The following PARD3B variants were observed in gnomAD, a reference collection of about 807,000 sequenced individuals.
PARD3B encodes the protein partitioning defective 3 homolog B.
A neutral mutation model predicts 130.2 loss-of-function variants in PARD3B; 103 were observed. That is an observed-to-expected ratio of 0.79 (90% confidence interval 0.67 to 0.93). PARD3B has a LOEUF of 0.93. PARD3B is among the 40% of genes least tolerant of loss of function. The pLI is 0.00. For missense variants in PARD3B, 1,609 were observed against 1,499.2 expected (o/e 1.07, Z -1.21); for synonymous variants, 583 against 553.2 (o/e 1.05, Z -0.76).
intron 3 of PARD3B, among the ~76,000 whole-genome samples, chr2:204,969,917 G>A (rs1016934118): frequency 2.8e-5 from 4 of 140,992 alleles, no homozygotes; most frequent in African/African-American, 5.0e-5. Context: ...TTCTCATCCC[G>A]TGTGTGTGTG....
intron 20 of PARD3B, among the ~76,000 whole-genome samples, chr2:205,456,788 T>G (rs2048290276): frequency 6.7e-6 from 1 of 150,266 alleles, no homozygotes; most frequent in East Asian, 1.9e-4. Context: ...TAATTAAATG[T>G]AGTCATAGTA....
chr2:205,583,430 AG>A (rs2054077192), intron 22 of PARD3B, among the ~76,000 whole-genome samples: 1 of 151,962 alleles, frequency 6.6e-6, no homozygotes, highest in Non-Finnish European at 1.5e-5. Flanking sequence ...AGAGAGAGAG[AG>A]AGAGATGCAC....
intron 4 of PARD3B, among the ~76,000 whole-genome samples, chr2:205,059,965 A>C (rs537947034): frequency 6.6e-6 from 1 of 152,210 alleles, no homozygotes; most frequent in South Asian, 2.1e-4. Flanking sequence ...CTGCAAGTTC[A>C]GCTTTATTGC....
intron 2 of PARD3B, among the ~76,000 whole-genome samples, chr2:204,870,520 TGGA>T (rs1379598695): frequency 6.6e-6 from 1 of 152,094 alleles, no homozygotes; most frequent in Non-Finnish European, 1.5e-5. Flanking sequence ...ATCTCAAAGA[TGGA>T]GGAGAATGAA....
rs1360021820 is a variant in PARD3B, at chr2:205,021,503, G to T, written c.395-26078G>T. 6.6e-6 allele frequency among the ~76,000 whole-genome samples: 1 copy of T among 151,938 alleles called. No homozygotes were observed. ...AGTGGTAACTTTGGAAGGACTGGTTGCAAAGTGGAACCAGAGTATATTGCA... is the reference window on the plus strand; with the variant it reads ...AGTGGTAACTTTGGAAGGACTGGTTTCAAAGTGGAACCAGAGTATATTGCA... On this transcript the variant is annotated intron_variant, in intron 3 of 22. Transcript: ENST00000406610. This position sits in a 1 kb window ranked among gnomAD's most constrained non-coding sequence, Gnocchi z 4.5.
At chr2:205,114,629 G>C (rs1703894563) in intron 6 of PARD3B, among the ~76,000 whole-genome samples, 1 of 151,998 alleles carries the variant, frequency 6.6e-6, no homozygotes, top group Non-Finnish European at 1.5e-5. Flanking sequence ...TTAATTTAGT[G>C]GTTCTGAATA....
chr2:204,928,679 G>A (rs1310263264), intron 2 of PARD3B, among the ~76,000 whole-genome samples: 1 of 151,830 alleles, frequency 6.6e-6, no homozygotes, highest in Non-Finnish European at 1.5e-5. Context: ...AGTGCAGAAG[G>A]GAGAAAAAAA....
At chr2:205,173,255 G>A (rs7566957) in intron 12 of PARD3B, among the ~76,000 whole-genome samples, 4 of 152,106 alleles carry the variant, frequency 2.6e-5, no homozygotes, top group Non-Finnish European at 4.4e-5. Context: ...AGAGTTCAGC[G>A]TAATAATTGA....
At chr2:205,152,727 T>G (rs1475770850) in intron 10 of PARD3B, among the ~76,000 whole-genome samples, 5 of 152,140 alleles carry the variant, frequency 3.3e-5, no homozygotes, top group Non-Finnish European at 5.9e-5. Context: ...GAGAAGTTTG[T>G]TATTACCGAT....
At chr2:205,173,022 T>C (rs1438020584) in intron 12 of PARD3B, among the ~76,000 whole-genome samples, 3 of 152,082 alleles carry the variant, frequency 2.0e-5, no homozygotes, top group African/African-American at 7.2e-5. Flanking sequence ...AAAACATTAT[T>C]TTCTCTTATA....
At chr2:204,646,810 C>A (rs1350336345) in intron 1 of PARD3B, among the ~76,000 whole-genome samples, 1 of 151,874 alleles carries the variant, frequency 6.6e-6, no homozygotes, top group East Asian at 1.9e-4. Context: ...CCTGATAAAC[C>A]AATGGTAAGT....
At chr2:205,065,220 G>A (rs1700293419) in intron 4 of PARD3B, among the ~76,000 whole-genome samples, 1 of 152,160 alleles carries the variant, frequency 6.6e-6, no homozygotes, top group Non-Finnish European at 1.5e-5. Context: ...ATTCAAAGAT[G>A]CCACAGATAG....
chr2:205,374,620 T>C (rs1469977102), intron 18 of PARD3B, among the ~76,000 whole-genome samples: 1 of 152,216 alleles, frequency 6.6e-6, no homozygotes, highest in Non-Finnish European at 1.5e-5. Flanking sequence ...CCTGGTTTTA[T>C]TTAATATGAT....
chr2:205,255,818 A>G (rs1476702437), intron 16 of PARD3B, among the ~76,000 whole-genome samples: 5 of 152,150 alleles, frequency 3.3e-5, no homozygotes, highest in African/African-American at 9.7e-5. Context: ...GTGTTCAGCA[A>G]TCTAGGAGCT....
In PARD3B at chr2:205,292,830, A is replaced by G. The variant is rs528292202; in HGVS notation, c.2186-7700A>G. ...TAAAGCCACAGAAAATGTTAGTTATAGTCACATTTATCTTCCATTCCTCTT... is the reference window on the plus strand; with the variant it reads ...TAAAGCCACAGAAAATGTTAGTTATGGTCACATTTATCTTCCATTCCTCTT... On this transcript the variant is annotated intron_variant, in intron 16 of 22. Transcript: ENST00000406610. This position sits in a 1 kb window ranked among gnomAD's most constrained non-coding sequence, Gnocchi z 5.3. 1.3e-5 allele frequency among the ~76,000 whole-genome samples: 2 copies of G among 152,362 alleles called. No individual in the cohort carries two copies. The highest frequency in any genetic ancestry group is 4.1e-4 in the South Asian group (2 of 4,832).
chr2:204,680,392 G>A (rs1197067645), intron 1 of PARD3B, among the ~76,000 whole-genome samples: 2 of 151,912 alleles, frequency 1.3e-5, no homozygotes, highest in African/African-American at 4.8e-5. Flanking sequence ...GTATCTGTAG[G>A]ATCTATAATG....
In PARD3B at chr2:204,998,404, GTGTATATATA is replaced by G. The variant is rs1559341747; in HGVS notation, c.394+33091_394+33100del. On this transcript the variant is annotated intron_variant, in intron 3 of 22. Transcript: ENST00000406610. ...TATGTGTGTGTATATATGTATATAT[GTGTATATATA>G]TGTATATATGTGTATATATATGTGT... Among the ~76,000 whole-genome samples, 4 of 58,250 alleles carry G rather than the reference GTGTATATATA, an allele frequency of 6.9e-5. 2 individuals are homozygous for G. Among genetic ancestry groups the G allele is most frequent in the South Asian group, 8.0e-4 (2 of 2,496 alleles). The allele number at this position is 58,250 out of a possible 152,430, so 38.2% of individuals were successfully genotyped here.
chr2:205,369,971 C>T (rs770196434), intron 18 of PARD3B, among the ~76,000 whole-genome samples: 35 of 152,182 alleles, frequency 2.3e-4, no homozygotes, highest in Non-Finnish European at 4.7e-4. Context: ...TCTCTTGGCT[C>T]ATGGCTCCTC....
In PARD3B at chr2:205,301,809, C is replaced by A; in HGVS notation, c.2630+108C>A. On this transcript the variant is annotated intron_variant, in intron 18 of 22. Coordinates refer to ENST00000406610, the MANE Select transcript of PARD3B (RefSeq NM_001302769.2). The surrounding 1 kb of genome is among the most constrained non-coding windows in gnomAD (Gnocchi z 5.2). ...AGCGCACGCTTTTCCTCGTCTTCAG[C>A]CAAATGCATACGGCTCTCAATTCTG... is the stretch of plus-strand genomic sequence containing the variant. 6.6e-7 allele frequency: 1 copy of A among 1,521,494 alleles called. No individual in the cohort carries two copies. Among genetic ancestry groups the A allele is most frequent in the Non-Finnish European group, 9.1e-7 (1 of 1,095,766 alleles). The allele number at this position is 1,521,494 out of a possible 1,614,324, so 94.2% of individuals were successfully genotyped here.
Sources: gnomAD v4.1 joint callset for allele counts (sites outside exome capture counted in the v4.1 genomes callset) on GRCh38, gnomAD v4.1.1 for gene constraint, Gnocchi (gnomAD v3.1) non-coding constraint, MANE v1.5 for transcripts, NCBI Gene and HGNC (gene_info 2026-07-23, HGNC 2026-07-21) for gene names.